Variants in EGFL6 observed in about 807,000 individuals in gnomAD.
EGFL6 encodes the protein EGF like domain multiple 6.
Under a neutral mutation model 43.1 loss-of-function variants are expected in EGFL6, and 42 were observed. The observed-to-expected ratio is 0.98, with a 90% CI of 0.76 to 1.26. The LOEUF (loss-of-function observed/expected upper bound fraction) is 1.26. Ranked by LOEUF, EGFL6 falls within the 50% of genes most tolerant of loss-of-function variation. The pLI, the probability that EGFL6 is intolerant of heterozygous loss-of-function variation, is 0.00. For missense variants in EGFL6, 429 were observed against 427.8 expected (o/e 1.00, Z -0.02); for synonymous variants, 164 against 163.2 (o/e 1.01, Z -0.04).
At chrX:13,575,758 G>A (rs1314024421) in intron 1 of EGFL6, among the ~76,000 whole-genome samples, 1 of 112,881 alleles carries the variant, frequency 8.9e-6, no homozygotes, top group Admixed American at 9.4e-5. Context: ...GACATTGGGG[G>A]TTTTAAGCAG....
At chrX:13,596,022 A>T (rs1196887756) in intron 3 of EGFL6, among the ~76,000 whole-genome samples, 1 of 111,693 alleles carries the variant, frequency 9.0e-6, no homozygotes, top group Non-Finnish European at 1.9e-5. Context: ...CCTGGCCTTG[A>T]TATATCATAA....
At chrX:13,590,250 A>G (rs1268818353) in intron 2 of EGFL6, 3 of 112,715 alleles carry the variant, frequency 2.7e-5, no homozygotes, top group Non-Finnish European at 5.6e-5. Flanking sequence ...TGTTTCTCAG[A>G]CTATGTGTTA....
chrX:13,575,057 T>C (rs1323108223), intron 1 of EGFL6: 1 of 115,398 alleles, frequency 8.7e-6, no homozygotes, highest in East Asian at 2.7e-4. Flanking sequence ...AACAGGCTGG[T>C]GAAAGGTAAA....
intron 1 of EGFL6, among the ~76,000 whole-genome samples, chrX:13,572,734 A>G (rs1214344856): frequency 8.9e-6 from 1 of 112,280 alleles, no homozygotes; most frequent in Admixed American, 9.4e-5. Context: ...GAGAGGCTTT[A>G]CTTACAGAGA....
At chrX:13,626,901 G>A in intron 10 of EGFL6, 110 bp from the exon 11 acceptor site, 1 of 856,706 alleles carries the variant, frequency 1.2e-6, no homozygotes, top group Non-Finnish European at 1.6e-6. Context: ...AAGGACTTCA[G>A]CTTTCCCTAT....
At chrX:13,602,340 A>G (rs986506770) in intron 4 of EGFL6, among the ~76,000 whole-genome samples, 1 of 112,086 alleles carries the variant, frequency 8.9e-6, no homozygotes, top group Admixed American at 9.5e-5. Flanking sequence ...TAATCCACAC[A>G]TACTGGACTG....
intron 2 of EGFL6, among the ~76,000 whole-genome samples, chrX:13,593,903 G>A (rs745525554): frequency 8.5e-4 from 95 of 111,560 alleles, no homozygotes; most frequent in African/African-American, 3.0e-3. Context: ...CCTACTGTGA[G>A]CCAGGGGAAT....
chrX:13,590,647 C>A (rs2045558061), intron 2 of EGFL6, among the ~76,000 whole-genome samples: 1 of 112,161 alleles, frequency 8.9e-6, no homozygotes, highest in Admixed American at 9.5e-5. Context: ...TAAAAAATAT[C>A]TGGATTGACC....
chrX:13,626,877 A>G (rs1275883030), intron 10 of EGFL6, 134 bp from the exon 11 acceptor site: 7 of 669,654 alleles, frequency 1.0e-5, no homozygotes, highest in South Asian at 3.2e-5. Context: ...TTTTATTCCT[A>G]TGTTCAAAAT....
rs766019102 is a variant in EGFL6 at position 13,595,194 on chromosome X, CTTT to C, written c.280+270_280+272del. ...AGCTAAAGGTCTTTTATATTTTTTA[CTTT>C]TTTATTTCATCTCTTTCCGTAACAC... On this transcript the variant is annotated intron_variant, in intron 3 of 11. Transcript: ENST00000361306. Among the ~76,000 whole-genome samples, 3 of 108,064 alleles carry C rather than the reference CTTT, an allele frequency of 2.8e-5. No individual in the cohort carries two copies. The East Asian group carries it at 8.6e-4, about 31-fold the overall frequency. The allele number at this position is 108,064 out of a possible 115,157, so 93.8% of individuals were successfully genotyped here. A position where few individuals can be genotyped will look rare whatever the true frequency, so the allele number is the denominator to read the frequency against.
At chrX:13,572,426 A>G (rs1163309231) in intron 1 of EGFL6, among the ~76,000 whole-genome samples, 1 of 112,573 alleles carries the variant, frequency 8.9e-6, no homozygotes. Context: ...TTTCTTTAGC[A>G]TTTAAAAAAT....
rs1319989369 is a variant in EGFL6 at position 13,632,468 on chromosome X, ATTTG to A, written c.1552-511_1552-508del. Among the ~76,000 whole-genome samples, 7 of 107,870 alleles carry A rather than the reference ATTTG, an allele frequency of 6.5e-5. No individual in the cohort carries two copies. In the South Asian group the frequency reaches 2.9e-3, roughly 45 times the overall value. 93.7% of individuals were successfully genotyped at this position (107,870 alleles called of 115,157 possible). A position where few individuals can be genotyped will look rare whatever the true frequency, so the allele number is the denominator to read the frequency against. On this transcript the variant is annotated intron_variant, in intron 11 of 11. Coordinates refer to ENST00000361306, the MANE Select transcript of EGFL6 (RefSeq NM_015507.4). ...AGGCGCCCACCACCACGCCCGGCTA[ATTTG>A]TTTGTATTTTTAGTAGAGACGGGGT... is the stretch of plus-strand genomic sequence containing the variant.
intron 4 of EGFL6, among the ~76,000 whole-genome samples, chrX:13,602,206 T>G (rs1025246631): frequency 2.7e-5 from 3 of 110,836 alleles, no homozygotes; most frequent in African/African-American, 9.9e-5. Flanking sequence ...CTTGGGTCTC[T>G]TTTGTCCAGC....
At chrX:13,583,097 T>C (rs1468707690) in intron 1 of EGFL6, among the ~76,000 whole-genome samples, 1 of 110,171 alleles carries the variant, frequency 9.1e-6, no homozygotes, top group African/African-American at 3.3e-5. Context: ...CTTTTTCTTT[T>C]GCCCCCTGCT....
At chrX:13,570,116 G>C (rs2146957886) in intron 1 of EGFL6, among the ~76,000 whole-genome samples, 181 bp downstream of exon 1, 1 of 112,453 alleles carries the variant, frequency 8.9e-6, no homozygotes, top group African/African-American at 3.2e-5. Flanking sequence ...TTTCCTCCCT[G>C]CTCTCCTGTG....
At chrX:13,578,696 G>A (rs1462796507) in intron 1 of EGFL6, among the ~76,000 whole-genome samples, 6 of 110,228 alleles carry the variant, frequency 5.4e-5, no homozygotes, top group Admixed American at 9.6e-5. Context: ...ACCAAACACC[G>A]CATATTCTCA....
intron 3 of EGFL6, among the ~76,000 whole-genome samples, chrX:13,598,872 T>TC (rs2146970642): frequency 1.1e-5 from 1 of 94,717 alleles, no homozygotes; most frequent in South Asian, 4.8e-4. Context: ...TCATATATAT[T>TC]TCATATATAT....
At chrX:13,593,218 T>C (rs1208378880) in intron 2 of EGFL6, among the ~76,000 whole-genome samples, 1 of 111,281 alleles carries the variant, frequency 9.0e-6, no homozygotes, top group Admixed American at 9.6e-5. Context: ...CCTGGCCAGA[T>C]CATGCTAGTT....
At chrX:13,602,467 CAAG>C (rs1220124622) in intron 4 of EGFL6, among the ~76,000 whole-genome samples, 38 of 112,195 alleles carry the variant, frequency 3.4e-4, no homozygotes, top group African/African-American at 1.2e-3. Flanking sequence ...CAGAGCAGCT[CAAG>C]AAGAAGTCCA....
Sources: allele counts gnomAD v4.1 joint callset (sites outside exome capture counted in the v4.1 genomes callset), GRCh38; gene constraint gnomAD v4.1.1; transcripts MANE v1.5; gene names NCBI Gene and HGNC (gene_info 2026-07-23, HGNC 2026-07-21).